SEMA4D: variants seen among roughly 807,000 people sequenced by gnomAD.
SEMA4D encodes the protein semaphorin-4D.
A neutral mutation model predicts 74.8 loss-of-function variants in SEMA4D; 22 were observed. That is an observed-to-expected ratio of 0.29 (90% CI 0.21 to 0.42). SEMA4D has a LOEUF of 0.42. Among genes scored for constraint, SEMA4D ranks in the 10% least tolerant of loss-of-function variants. The pLI is 1.00. For missense variants in SEMA4D, 937 were observed against 1,118.4 expected (o/e 0.84, Z 2.31); for synonymous variants, 445 against 463.7 (o/e 0.96, Z 0.52).
chr9:89,435,280 C>G (rs1850151415), intron 2 of SEMA4D, among the ~76,000 whole-genome samples: 1 of 152,182 alleles, frequency 6.6e-6, no homozygotes, highest in South Asian at 2.1e-4. Flanking sequence ...ACCAGAAAAC[C>G]AGTACATTCC....
chr9:89,475,525 A>T (rs1406519881), intron 1 of SEMA4D, among the ~76,000 whole-genome samples: 1 of 152,154 alleles, frequency 6.6e-6, no homozygotes, highest in Non-Finnish European at 1.5e-5. Flanking sequence ...TCACCCATCA[A>T]TCATTCATTC....
chr9:89,490,092 C>G (rs893963969), intron 1 of SEMA4D, among the ~76,000 whole-genome samples: 1 of 151,274 alleles, frequency 6.6e-6, no homozygotes, highest in African/African-American at 2.4e-5. Context: ...GGCTTTGATT[C>G]ACATTTCCCT....
At chr9:89,413,628 T>C (rs937936963) in intron 2 of SEMA4D, among the ~76,000 whole-genome samples, 3 of 152,268 alleles carry the variant, frequency 2.0e-5, no homozygotes, top group Non-Finnish European at 4.4e-5. Flanking sequence ...TGTATGTCTG[T>C]GTGCATACAT....
chr9:89,370,135 T>C (rs1417640791), intron 16 of SEMA4D, among the ~76,000 whole-genome samples: 1 of 149,480 alleles, frequency 6.7e-6, no homozygotes, highest in Non-Finnish European at 1.5e-5. Context: ...TGTGTTGGTA[T>C]GTGTGCACAT....
intron 2 of SEMA4D, among the ~76,000 whole-genome samples, chr9:89,447,034 A>G (rs1853072488): frequency 6.6e-6 from 1 of 151,956 alleles, no homozygotes; most frequent in African/African-American, 2.4e-5. Flanking sequence ...CTCATCTCCC[A>G]GGCCCAGACC....
chr9:89,391,897 A>G (rs753834442), intron 8 of SEMA4D, among the ~76,000 whole-genome samples: 6 of 152,200 alleles, frequency 3.9e-5, no homozygotes, highest in Non-Finnish European at 8.8e-5. Context: ...AAGAGGTTCA[A>G]AACCCAAGGC....
rs1837056483 is a variant in SEMA4D, at chr9:89,381,508, T to C, written c.1447-162A>G. 1 of 621,388 alleles carries C rather than the reference T, an allele frequency of 1.6e-6. No homozygotes were observed. The highest frequency in any genetic ancestry group is 2.6e-6 in the Non-Finnish European group (1 of 384,016). The allele number at this position is 621,388 out of a possible 1,614,324, so 38.5% of individuals were successfully genotyped here. A position where few individuals can be genotyped will look rare whatever the true frequency, so the allele number is the denominator to read the frequency against. On this transcript the variant is annotated intron_variant, in intron 13 of 15. Transcript: ENST00000422704. The surrounding 1 kb of genome is among the most constrained non-coding windows in gnomAD (Gnocchi z 4.6). ...CAGAACCAGAGGCAAACAAGGCAGG[T>C]CTGTGACCTTCCTGCAGAATCCACG...
chr9:89,413,898 G>A (rs1478075553), intron 2 of SEMA4D, among the ~76,000 whole-genome samples: 2 of 152,230 alleles, frequency 1.3e-5, no homozygotes, highest in African/African-American at 2.4e-5. Context: ...GCATCTGTGT[G>A]TGCATGTGTG....
chr9:89,450,659 G>GAAACAAAAAAAAA (rs1564832883), intron 2 of SEMA4D: 1 of 384,212 alleles, frequency 2.6e-6, no homozygotes, highest in Non-Finnish European at 4.4e-6. Flanking sequence ...GAAAAACCCA[G>GAAACAAAAAAAAA]GAAAAAAAAA....
rs555903296 is a variant in SEMA4D, at chr9:89,392,359, A to C, written c.622+64T>G. 25 of 1,253,782 alleles carry C rather than the reference A, an allele frequency of 2.0e-5. No homozygotes were observed. In the South Asian group the frequency reaches 2.9e-4, roughly 14 times the overall value. 77.7% of individuals were successfully genotyped at this position (1,253,782 alleles called of 1,614,324 possible). On this transcript the variant is annotated intron_variant, in intron 8 of 15. Transcript: ENST00000422704. ...AGGGCTCAGAGACAGAAAAGGAGAG[A>C]TCAACAGGTGTGCACTCATGAGGAG...
At position 89,378,356 on chromosome 9, in the gene SEMA4D, A is replaced by G. The variant is rs909935414; in HGVS notation, c.*348T>C. The G allele has an allele frequency of 6.3e-5, 14 of 221,610 alleles. No individual in the cohort carries two copies. Among genetic ancestry groups the G allele is most frequent in the Non-Finnish European group, 1.1e-4 (12 of 111,734 alleles). 13.7% of individuals were successfully genotyped at this position (221,610 alleles called of 1,614,324 possible). A position where few individuals can be genotyped will look rare whatever the true frequency, so the allele number is the denominator to read the frequency against. On this transcript the variant is annotated 3_prime_UTR_variant, in exon 16 of 16. Transcript: ENST00000422704. ...TTTTAGTGGCTGCTACGGGGAGGGG[A>G]AGCTGAAGGGATGCTCTTCTCAGCC...
intron 1 of SEMA4D, among the ~76,000 whole-genome samples, chr9:89,461,602 A>G (rs1857207101): frequency 6.6e-6 from 1 of 151,600 alleles, no homozygotes; most frequent in Non-Finnish European, 1.5e-5. Flanking sequence ...ATACTAGGAG[A>G]GTAGCATATG....
chr9:89,482,461 C>A (rs1425093255), intron 1 of SEMA4D, among the ~76,000 whole-genome samples: 2 of 152,308 alleles, frequency 1.3e-5, no homozygotes, highest in East Asian at 3.9e-4. Flanking sequence ...TCAGCCCCAG[C>A]AGCAGAAGGC....
chr9:89,374,325 C>G (rs891997912), downstream of SEMA4D, among the ~76,000 whole-genome samples: 1 of 152,180 alleles, frequency 6.6e-6, no homozygotes, highest in Non-Finnish European at 1.5e-5. Flanking sequence ...CATCTGTGAC[C>G]GCCAGCTTTC....
intron 12 of SEMA4D, 45 bp from the exon 13 acceptor site, chr9:89,386,527 G>C (rs1324590837): frequency 1.5e-6 from 2 of 1,358,828 alleles, no homozygotes; most frequent in Non-Finnish European, 2.1e-6. Flanking sequence ...CCCAGACACA[G>C]AAACCAAGGA....
chr9:89,439,784 C>G (rs1012028678), intron 2 of SEMA4D, among the ~76,000 whole-genome samples: 1 of 152,144 alleles, frequency 6.6e-6, no homozygotes, highest in Non-Finnish European at 1.5e-5. Flanking sequence ...TTTTAAAAGC[C>G]TATTTACAGG....
intron 1 of SEMA4D, among the ~76,000 whole-genome samples, chr9:89,494,854 T>C (rs1489165366): frequency 6.6e-6 from 1 of 152,134 alleles, no homozygotes; most frequent in Non-Finnish European, 1.5e-5. Flanking sequence ...TCAGTATCTA[T>C]TGCTAAAGGG....
At chr9:89,415,915 T>C (rs1845610714) in intron 2 of SEMA4D, among the ~76,000 whole-genome samples, 1 of 152,156 alleles carries the variant, frequency 6.6e-6, no homozygotes, top group Non-Finnish European at 1.5e-5. Flanking sequence ...AACTGGTGCT[T>C]CGGTCCCCCA....
intron 2 of SEMA4D, among the ~76,000 whole-genome samples, chr9:89,421,831 G>C (rs1847032856): frequency 6.6e-6 from 1 of 152,148 alleles, no homozygotes; most frequent in Admixed American, 6.5e-5. Context: ...GTGCACACAG[G>C]CTCATCAGAA....
Sources: gnomAD v4.1 joint callset for allele counts (sites outside exome capture counted in the v4.1 genomes callset) on GRCh38, gnomAD v4.1.1 for gene constraint, Gnocchi (gnomAD v3.1) non-coding constraint, MANE v1.5 for transcripts, NCBI Gene and HGNC (gene_info 2026-07-23, HGNC 2026-07-21) for gene names.